The following MEF2D variants were observed in gnomAD, a reference collection of about 807,000 sequenced individuals.
MEF2D encodes the protein myocyte-specific enhancer factor 2D.
In MEF2D, 10 loss-of-function variants were observed where a neutral mutation model predicts 59.3. The ratio of observed to expected loss-of-function variants is 0.17; its 90% CI spans 0.10 to 0.29. MEF2D has a LOEUF of 0.29. Ranked by LOEUF, MEF2D falls within the 10% of genes least tolerant of loss-of-function variation. The probability of loss-of-function intolerance (pLI) is 1.00; values close to 1 mark genes in which losing one functional copy is unlikely to be tolerated. For missense variants in MEF2D, 508 were observed against 699.4 expected (o/e 0.73, Z 3.09); for synonymous variants, 305 against 295.0 (o/e 1.03, Z -0.35).
At chr1:156,492,982 G>A (rs1439919901) in intron 1 of MEF2D, among the ~76,000 whole-genome samples, 1 of 152,198 alleles carries the variant, frequency 6.6e-6, no homozygotes. Flanking sequence ...AGGAAGAGCA[G>A]GCTGAAGAGA....
chr1:156,488,954 C>T (rs865893045), intron 1 of MEF2D, among the ~76,000 whole-genome samples: 11 of 152,154 alleles, frequency 7.2e-5, no homozygotes, highest in Admixed American at 1.3e-4. Context: ...ACCCTTCCAC[C>T]CATATCTGTT....
chr1:156,494,529 C>T (rs2102265430), intron 1 of MEF2D, among the ~76,000 whole-genome samples: 1 of 152,154 alleles, frequency 6.6e-6, no homozygotes, highest in South Asian at 2.1e-4. Context: ...CAGGGCCAAA[C>T]GGAGCCCTAG....
At chr1:156,498,028 G>A (rs1217241474) in intron 1 of MEF2D, among the ~76,000 whole-genome samples, 1 of 140,304 alleles carries the variant, frequency 7.1e-6, no homozygotes, top group Admixed American at 7.6e-5. Flanking sequence ...CCTTACTACT[G>A]CTCCTTTAGC....
chr1:156,488,513 G>T (rs961515972), intron 1 of MEF2D, among the ~76,000 whole-genome samples: 11 of 152,148 alleles, frequency 7.2e-5, no homozygotes, highest in Admixed American at 2.6e-4. Context: ...GAATCAAGAA[G>T]GACCCCACTG....
chr1:156,488,613 G>GT (rs1423268400), intron 1 of MEF2D, among the ~76,000 whole-genome samples: 1 of 152,196 alleles, frequency 6.6e-6, no homozygotes, highest in African/African-American at 2.4e-5. Flanking sequence ...TGTGCAAAAT[G>GT]TACCGTAAAG....
intron 1 of MEF2D, among the ~76,000 whole-genome samples, chr1:156,496,652 C>T (rs1427139777): frequency 6.6e-6 from 1 of 152,192 alleles, no homozygotes; most frequent in Admixed American, 6.5e-5. Context: ...TCCCAACTCT[C>T]CAATCCTTTA....
At chr1:156,481,011 T>C in intron 3 of MEF2D, 40 bp from the exon 4 acceptor site, 1 of 1,609,694 alleles carries the variant, frequency 6.2e-7, no homozygotes, top group Admixed American at 1.7e-5. Context: ...TGAGAGTCCT[T>C]CCCGCCCGCC....
At chr1:156,474,826 AC>A (rs1477030521) in intron 9 of MEF2D, among the ~76,000 whole-genome samples, 6 of 152,196 alleles carry the variant, frequency 3.9e-5, no homozygotes, top group Admixed American at 6.5e-5. Context: ...GAAAAAAAAA[AC>A]AAACCCAAAA....
intron 1 of MEF2D, among the ~76,000 whole-genome samples, chr1:156,490,006 G>T (rs1445475222): frequency 6.6e-6 from 1 of 152,188 alleles, no homozygotes; most frequent in African/African-American, 2.4e-5. Flanking sequence ...GGGCAGGAAG[G>T]TGAAGCCGGT....
chr1:156,465,475 G>C lies in MEF2D; in HGVS notation c.*2170C>G, dbSNP rs1229362632. The C allele has an allele frequency of 2.0e-5, 3 of 152,586 alleles. No homozygotes were observed. Among genetic ancestry groups the C allele is most frequent in the Non-Finnish European group, 4.4e-5 (3 of 68,284 alleles). The allele number at this position is 152,586 out of a possible 1,614,324, so 9.5% of individuals were successfully genotyped here. A position where few individuals can be genotyped will look rare whatever the true frequency, so the allele number is the denominator to read the frequency against. ...ACAGGGAAAGGAGCAGGGAAGACAGGAGTTGGGGTCCCAGGGCTGTGGAGC... is the reference window on the plus strand; with the variant it reads ...ACAGGGAAAGGAGCAGGGAAGACAGCAGTTGGGGTCCCAGGGCTGTGGAGC... On this transcript the variant is annotated 3_prime_UTR_variant, in exon 12 of 12. Coordinates refer to ENST00000348159, the MANE Select transcript of MEF2D (RefSeq NM_005920.4).
chr1:156,484,222 TTTTG>T (rs1311959748), intron 1 of MEF2D: 3 of 152,214 alleles, frequency 2.0e-5, no homozygotes, highest in African/African-American at 4.8e-5. Flanking sequence ...AGCCTAAGAT[TTTTG>T]TTTGAGGAAA....
chr1:156,474,521 G>A (rs188998226), intron 9 of MEF2D, among the ~76,000 whole-genome samples: 15 of 152,326 alleles, frequency 9.8e-5, no homozygotes, highest in Admixed American at 4.6e-4. Flanking sequence ...TAATTTGTTA[G>A]CATGAGTATG....
chr1:156,494,083 A>G (rs902463406), intron 1 of MEF2D, among the ~76,000 whole-genome samples: 2 of 152,120 alleles, frequency 1.3e-5, no homozygotes, highest in Non-Finnish European at 2.9e-5. Flanking sequence ...CCACTTTCAG[A>G]TCATCCCATC....
At chr1:156,482,397 A>T in intron 3 of MEF2D, 40 bp downstream of exon 3, 1 of 1,606,938 alleles carries the variant, frequency 6.2e-7, no homozygotes, top group Non-Finnish European at 8.5e-7. Flanking sequence ...ATGTGGATGC[A>T]GGCGGGGGTA....
rs376026892 is a variant in MEF2D, at chr1:156,477,222, A to C, written c.665-20T>G. 2 of 1,569,096 alleles carry C rather than the reference A, an allele frequency of 1.3e-6. No individual in the cohort carries two copies. Among genetic ancestry groups the C allele is most frequent in the Non-Finnish European group, 1.7e-6 (2 of 1,156,578 alleles). On this transcript the variant is annotated intron_variant, in intron 6 of 11. Transcript: ENST00000348159. ...CATTCCCTGGAGAAGTGACAACAAGAGGGTAAAAGGAAAAACATGGGCCTA... is the reference window on the plus strand; with the variant it reads ...CATTCCCTGGAGAAGTGACAACAAGCGGGTAAAAGGAAAAACATGGGCCTA...
chr1:156,482,284 G>A (rs1672073793), intron 3 of MEF2D, among the ~76,000 whole-genome samples, 153 bp downstream of exon 3: 1 of 152,226 alleles, frequency 6.6e-6, no homozygotes. Context: ...ACAGAAGGAG[G>A]GTTTGCATGT....
chr1:156,479,400 A>C, intron 5 of MEF2D, 54 bp from the exon 6 acceptor site: 1 of 1,579,996 alleles, frequency 6.3e-7, no homozygotes, highest in Non-Finnish European at 8.6e-7. Context: ...TTCAAGAGTG[A>C]GTCTTGGGGA....
rs1434184214 is a variant in MEF2D at position 156,464,811 on chromosome 1, C to T, written c.*2834G>A. On this transcript the variant is annotated 3_prime_UTR_variant, in exon 12 of 12. Transcript: ENST00000348159. ...AGGTTTGCCTTTATGAGGCAGAGGG[C>T]AAAACTGGTGAATATTGCACCGTGA... 6.6e-6 allele frequency: 1 copy of T among 152,162 alleles called. No individual in the cohort carries two copies. Among genetic ancestry groups the T allele is most frequent in the Non-Finnish European group, 1.5e-5 (1 of 68,036 alleles). The allele number at this position is 152,162 out of a possible 1,614,324, so 9.4% of individuals were successfully genotyped here.
chr1:156,498,157 G>A (rs1035530558), intron 1 of MEF2D, among the ~76,000 whole-genome samples: 13 of 137,910 alleles, frequency 9.4e-5, no homozygotes, highest in East Asian at 2.2e-4. Flanking sequence ...TATAACAGCA[G>A]CCAGAAAGAC....
Sources: gnomAD v4.1 joint callset for allele counts (sites outside exome capture counted in the v4.1 genomes callset) on GRCh38, gnomAD v4.1.1 for gene constraint, MANE v1.5 for transcripts, NCBI Gene and HGNC (gene_info 2026-07-23, HGNC 2026-07-21) for gene names.